NAA80: variants seen among roughly 807,000 people sequenced by gnomAD.
NAA80 encodes the protein N-alpha-acetyltransferase 80.
A neutral mutation model predicts 8.7 loss-of-function variants in NAA80; 5 were observed. The ratio of observed to expected loss-of-function variants is 0.58; its 90% CI spans 0.30 to 1.21. The LOEUF (loss-of-function observed/expected upper bound fraction) is 1.21, where lower values mean the gene tolerates loss of function less well. Ranked by LOEUF, NAA80 falls within the 50% of genes most tolerant of loss-of-function variation. The pLI, the probability that NAA80 is intolerant of heterozygous loss-of-function variation, is 0.07. For missense variants in NAA80, 360 were observed against 368.6 expected (o/e 0.98, Z 0.19); for synonymous variants, 149 against 156.6 (o/e 0.95, Z 0.36).
intron 1 of NAA80, 100 bp downstream of exon 1, chr3:50,299,113 C>G: frequency 6.2e-7 from 1 of 1,610,582 alleles, no homozygotes; most frequent in Non-Finnish European, 8.5e-7. Context: ...TGGAAACGAA[C>G]GACTGACGCG....
Position 50,296,682 on chromosome 3 carries a change from G to A in NAA80, c.782C>T (p.Pro261Leu). The A allele has an allele frequency of 1.2e-6, 2 of 1,613,840 alleles. No individual in the cohort carries two copies. The highest frequency in any genetic ancestry group is 1.7e-6 in the Non-Finnish European group (2 of 1,179,832). Residue 261 changes from proline (P) to leucine (L), a missense_variant, in exon 2 of 2, where the codon CCC (proline) becomes CTC (leucine). Transcript: ENST00000443094. ...TGTCTCCAGCAGGCTTTTTGAAGGG[G>A]GCCCTGATGGAACTGGGGGTGAGAT... The part of the protein sequence containing the change: ...LTISPPVPSG[P>L]PSKSLLETQY...
rs2109298651 is a variant in NAA80 at position 50,299,295 on chromosome 3, C to G, written c.-292G>C. The stretch of plus-strand genomic sequence containing the variant: ...CACTCAGTCGCCACCTCGGACTCCT[C>G]GGTCCGACAACGTTGGCCCCCAGCG... On this transcript the variant is annotated 5_prime_UTR_variant, in exon 1 of 2. Coordinates refer to ENST00000443094, the MANE Select transcript of NAA80 (RefSeq NM_001200016.2). 6.2e-7 allele frequency: 1 copy of G among 1,612,176 alleles called. No individual in the cohort carries two copies. Among genetic ancestry groups the G allele is most frequent in the South Asian group, 1.1e-5 (1 of 91,014 alleles).
Position 50,296,441 on chromosome 3 carries a change from G to A in NAA80, c.*162C>T. The A allele has an allele frequency of 1.3e-6, 1 of 788,542 alleles. No homozygotes were observed. Among genetic ancestry groups the A allele is most frequent in the South Asian group, 1.8e-5 (1 of 54,092 alleles). 48.8% of individuals were successfully genotyped at this position (788,542 alleles called of 1,614,324 possible). ...TTTATTCAGCCACACTGACGGCTCT[G>A]AGCCAGAGCCACCTCCTGGCCCCAC... is the stretch of plus-strand genomic sequence containing the variant. On this transcript the variant is annotated 3_prime_UTR_variant, in exon 2 of 2. Coordinates refer to ENST00000443094, the MANE Select transcript of NAA80 (RefSeq NM_001200016.2).
chr3:50,296,880 T>G lies in NAA80; in HGVS notation c.584A>C (p.Gln195Pro). 6.2e-7 allele frequency: 1 copy of G among 1,605,664 alleles called. No homozygotes were observed. Among genetic ancestry groups the G allele is most frequent in the Non-Finnish European group, 8.5e-7 (1 of 1,176,754 alleles). Residue 195 changes from glutamine to proline, a missense_variant, in exon 2 of 2, where the codon CAG (glutamine) becomes CCG (proline). Transcript: ENST00000443094. ...HLGYQLGEPV[Q>P]GLVFTSRRLP... ...CCGTCTGCTGGTGAAGACCAGGCCC[T>G]GCACAGGCTCACCCAGCTGGTAGCC...
intron 1 of NAA80, chr3:50,298,931 G>A (rs1701994639): frequency 3.6e-6 from 5 of 1,401,954 alleles, no homozygotes; most frequent in Non-Finnish European, 4.6e-6. Context: ...AACCCCTTCA[G>A]TGCCGACCCC....
chr3:50,297,071 G>T lies in NAA80; in HGVS notation c.393C>A (p.Asn131Lys), dbSNP rs1575502131. The T allele has an allele frequency of 6.5e-7, 1 of 1,538,144 alleles. No individual in the cohort carries two copies. Among genetic ancestry groups the T allele is most frequent in the East Asian group, 2.3e-5 (1 of 44,158 alleles). Residue 131 changes from asparagine (N) to lysine (K), a missense_variant, in exon 2 of 2, where the codon AAC becomes AAA. Physicochemically the swap from Asn to Lys is moderately conservative, Grantham distance 94. Coordinates refer to ENST00000443094, the MANE Select transcript of NAA80 (RefSeq NM_001200016.2). The surrounding 1 kb of genome is among the most constrained non-coding windows in gnomAD (Gnocchi z 4.3). ...TCTCCACTAAGAGGCTCTGGGGCTG[G>T]TTCAGCACCCGTGACAGGCGGGCAT... ...VGHARLSRVL[N>K]QPQSLLVETV... is the part of the protein sequence containing the mutation.
In NAA80 at chr3:50,297,642, A is replaced by G. The variant is rs150868114; in HGVS notation, c.-179T>C. The G allele has an allele frequency of 1.1e-3, 1,540 of 1,447,742 alleles. 14 individuals carry two copies. The African/African-American group carries it at 0.02, about 18-fold the overall frequency. 89.7% of individuals were successfully genotyped at this position (1,447,742 alleles called of 1,614,324 possible). A position where few individuals can be genotyped will look rare whatever the true frequency, so the allele number is the denominator to read the frequency against. On this transcript the variant is annotated 5_prime_UTR_variant, in exon 2 of 2. Transcript: ENST00000443094. This position sits in a 1 kb window ranked among gnomAD's most constrained non-coding sequence, Gnocchi z 4.3. ...GTTAAGACCCCAGTCTCCAGGCAGTAGCATCTCTTCAGACCACAGTGGCTC... is the reference window on the plus strand; with the variant it reads ...GTTAAGACCCCAGTCTCCAGGCAGTGGCATCTCTTCAGACCACAGTGGCTC...
chr3:50,296,504 C>G lies in NAA80; in HGVS notation c.*99G>C. On this transcript the variant is annotated 3_prime_UTR_variant, in exon 2 of 2. Transcript: ENST00000443094. Reference sequence around the variant, plus strand: ...AACATGCCCAGGTTAAAGCTGCCCCCCAGGGGCTAGGGGCTGAGGTATGGT... The same window carrying G: ...AACATGCCCAGGTTAAAGCTGCCCCGCAGGGGCTAGGGGCTGAGGTATGGT... 13 of 1,410,306 alleles carry G rather than the reference C, an allele frequency of 9.2e-6. No individual in the cohort carries two copies. The highest frequency in any genetic ancestry group is 1.3e-5 in the Non-Finnish European group (13 of 1,035,832). The allele number at this position is 1,410,306 out of a possible 1,614,324, so 87.4% of individuals were successfully genotyped here. A position where few individuals can be genotyped will look rare whatever the true frequency, so the allele number is the denominator to read the frequency against.
intron 1 of NAA80, among the ~76,000 whole-genome samples, chr3:50,298,496 G>A (rs587667883): frequency 1.3e-5 from 2 of 151,132 alleles, no homozygotes; most frequent in South Asian, 2.1e-4. Flanking sequence ...CTTGAGTTTC[G>A]CAGGCACCCT....
chr3:50,298,004 T>C, intron 1 of NAA80: 1 of 986,694 alleles, frequency 1.0e-6, no homozygotes, highest in Non-Finnish European at 1.2e-6. Context: ...ACAGGGGGTC[T>C]GTAACCACCA....
At chr3:50,298,946 A>C in intron 1 of NAA80, 1 of 1,419,790 alleles carries the variant, frequency 7.0e-7, no homozygotes, top group South Asian at 1.5e-5. Context: ...GACCCCACCC[A>C]CTGTGGGCGG....
intron 1 of NAA80, among the ~76,000 whole-genome samples, chr3:50,298,652 C>T (rs1315281022): frequency 6.6e-6 from 1 of 152,112 alleles, no homozygotes; most frequent in Non-Finnish European, 1.5e-5. Flanking sequence ...TGGGGGTTTT[C>T]TAGTCGTGGG....
intron 1 of NAA80, chr3:50,298,030 C>T (rs1381767177): frequency 7.1e-6 from 7 of 985,770 alleles, no homozygotes; most frequent in Non-Finnish European, 8.4e-6. Context: ...ATAAAACAGC[C>T]GACCCAATCT....
Position 50,296,525 on chromosome 3 carries a change from A to G in NAA80, c.*78T>C. On this transcript the variant is annotated 3_prime_UTR_variant, in exon 2 of 2. Coordinates refer to ENST00000443094, the MANE Select transcript of NAA80 (RefSeq NM_001200016.2). ...CCCCCCAGGGGCTAGGGGCTGAGGT[A>G]TGGTCAGTGGGCTGAGGCTTGTAGA... The G allele has an allele frequency of 6.6e-7, 1 of 1,508,112 alleles. No individual in the cohort carries two copies. The highest frequency in any genetic ancestry group is 9.1e-7 in the Non-Finnish European group (1 of 1,099,622). The allele number at this position is 1,508,112 out of a possible 1,614,324, so 93.4% of individuals were successfully genotyped here.
rs1702014476 is a variant in NAA80, at chr3:50,299,216, T to C, written c.-213A>G. The stretch of plus-strand genomic sequence containing the variant: ...ATGGGAAGGGTGCGGTACTGACATG[T>C]TGATGCTGGCCTCTGGGATGTTCCG... On this transcript the variant is annotated 5_prime_UTR_variant, in exon 1 of 2. Coordinates refer to ENST00000443094, the MANE Select transcript of NAA80 (RefSeq NM_001200016.2). The C allele has an allele frequency of 6.2e-7, 1 of 1,614,048 alleles. No individual in the cohort carries two copies. The highest frequency in any genetic ancestry group is 8.5e-7 in the Non-Finnish European group (1 of 1,180,022).
At position 50,296,510 on chromosome 3, in the gene NAA80, G is replaced by T; in HGVS notation, c.*93C>A. 7.0e-7 allele frequency: 1 copy of T among 1,425,234 alleles called. No individual in the cohort carries two copies. The highest frequency in any genetic ancestry group is 9.6e-7 in the Non-Finnish European group (1 of 1,040,346). 88.3% of individuals were successfully genotyped at this position (1,425,234 alleles called of 1,614,324 possible). On this transcript the variant is annotated 3_prime_UTR_variant, in exon 2 of 2. Coordinates refer to ENST00000443094, the MANE Select transcript of NAA80 (RefSeq NM_001200016.2). ...CCCAGGTTAAAGCTGCCCCCCAGGG[G>T]CTAGGGGCTGAGGTATGGTCAGTGG...
At position 50,297,718 on chromosome 3, in the gene NAA80, G is replaced by A; in HGVS notation, c.-209-46C>T. The A allele has an allele frequency of 1.5e-6, 2 of 1,363,314 alleles. No homozygotes were observed. Among genetic ancestry groups the A allele is most frequent in the South Asian group, 1.9e-5 (1 of 53,430 alleles). 84.5% of individuals were successfully genotyped at this position (1,363,314 alleles called of 1,614,324 possible). ...GGGCTGTGCCAGGAGGGAGGGTGGG[G>A]TTGGAGCAGGGAAGGGCTGACAGAG... On this transcript the variant is annotated intron_variant, in intron 1 of 1. Coordinates refer to ENST00000443094, the MANE Select transcript of NAA80 (RefSeq NM_001200016.2). This position sits in a 1 kb window ranked among gnomAD's most constrained non-coding sequence, Gnocchi z 4.3.
chr3:50,297,814 C>T lies in NAA80; in HGVS notation c.-209-142G>A. 8.7e-7 allele frequency: 1 copy of T among 1,152,900 alleles called. No homozygotes were observed. The highest frequency in any genetic ancestry group is 1.1e-6 in the Non-Finnish European group (1 of 936,540). The allele number at this position is 1,152,900 out of a possible 1,614,324, so 71.4% of individuals were successfully genotyped here. ...ACTTTGTCCCACACTCACCTGATAG[C>T]ACAGGTGACCTGGAAGAGACCCATC... On this transcript the variant is annotated intron_variant, in intron 1 of 1. Coordinates refer to ENST00000443094, the MANE Select transcript of NAA80 (RefSeq NM_001200016.2). This position sits in a 1 kb window ranked among gnomAD's most constrained non-coding sequence, Gnocchi z 4.3.
In NAA80 at chr3:50,299,370, T is replaced by C; in HGVS notation, c.-367A>G. The C allele has an allele frequency of 6.6e-7, 1 of 1,508,578 alleles. No individual in the cohort carries two copies. Among genetic ancestry groups the C allele is most frequent in the Non-Finnish European group, 8.9e-7 (1 of 1,119,664 alleles). The allele number at this position is 1,508,578 out of a possible 1,614,324, so 93.4% of individuals were successfully genotyped here. A position where few individuals can be genotyped will look rare whatever the true frequency, so the allele number is the denominator to read the frequency against. ...CGCGTCCTGCGGCACGCCACGGCGT[T>C]CTAAGGCCTCCCAGCACCCGCGCGT... On this transcript the variant is annotated 5_prime_UTR_variant, in exon 1 of 2. Coordinates refer to ENST00000443094, the MANE Select transcript of NAA80 (RefSeq NM_001200016.2).
Sources: gnomAD v4.1 joint callset for allele counts (sites outside exome capture counted in the v4.1 genomes callset) on GRCh38, gnomAD v4.1.1 for gene constraint, Gnocchi (gnomAD v3.1) non-coding constraint, MANE v1.5 for transcripts, NCBI Gene and HGNC (gene_info 2026-07-23, HGNC 2026-07-21) for gene names.